The following ZMAT4 variants were observed in gnomAD, a reference collection of about 807,000 sequenced individuals.
The protein encoded by ZMAT4 is zinc finger matrin-type protein 4.
Under a neutral mutation model 28.7 loss-of-function variants are expected in ZMAT4, and 17 were observed. The ratio of observed to expected loss-of-function variants is 0.59; its 90% CI spans 0.41 to 0.89. The LOEUF is 0.89. Among genes scored for constraint, ZMAT4 ranks in the 40% least tolerant of loss-of-function variants. The pLI, the probability that ZMAT4 is intolerant of heterozygous loss-of-function variation, is 0.00. For synonymous variants in ZMAT4, 117 were observed against 109.2 expected, an observed-to-expected ratio of 1.07 and a Z score of -0.44; for missense variants, 240 against 283.8, an observed-to-expected ratio of 0.85 and a Z score of 1.11.
At chr8:40,750,679 G>C (rs894503966) in intron 3 of ZMAT4, among the ~76,000 whole-genome samples, 3 of 152,142 alleles carry the variant, frequency 2.0e-5, no homozygotes, top group African/African-American at 4.8e-5. Context: ...AGATATACTG[G>C]AGAATCAGAC....
At chr8:40,725,795 A>G (rs74386500) in intron 3 of ZMAT4, among the ~76,000 whole-genome samples, 6 of 152,196 alleles carry the variant, frequency 3.9e-5, no homozygotes, top group African/African-American at 1.4e-4. Context: ...AGAAAAAACA[A>G]TCATGATTTC....
chr8:40,745,823 TCCTCTCTTG>T (rs1812194835), intron 3 of ZMAT4, among the ~76,000 whole-genome samples: 1 of 152,152 alleles, frequency 6.6e-6, no homozygotes, highest in East Asian at 1.9e-4. Context: ...ATCACTCAAT[TCCTCTCTTG>T]AGGAAACAAA....
intron 1 of ZMAT4, among the ~76,000 whole-genome samples, chr8:40,867,210 G>A (rs954708298): frequency 1.2e-4 from 18 of 151,872 alleles, no homozygotes; most frequent in African/African-American, 4.1e-4. Flanking sequence ...ATTGTCTTGG[G>A]GCACACAAAA....
chr8:40,548,291 T>TA (rs918933734), intron 6 of ZMAT4, among the ~76,000 whole-genome samples: 19 of 150,488 alleles, frequency 1.3e-4, no homozygotes, highest in Middle Eastern at 3.4e-3. Flanking sequence ...AAAAGAAGAT[T>TA]AAAAAAAAAC....
At chr8:40,871,032 T>C (rs1563257064) in intron 1 of ZMAT4, among the ~76,000 whole-genome samples, 1 of 152,180 alleles carries the variant, frequency 6.6e-6, no homozygotes, top group East Asian at 1.9e-4. Context: ...TCAAGGGAAG[T>C]TGCTTGACGA....
intron 5 of ZMAT4, among the ~76,000 whole-genome samples, chr8:40,608,143 G>A (rs1805665790): frequency 6.6e-6 from 1 of 152,132 alleles, no homozygotes; most frequent in Non-Finnish European, 1.5e-5. Flanking sequence ...GTTCCCAAGA[G>A]ATTATGTCCT....
intron 1 of ZMAT4, among the ~76,000 whole-genome samples, chr8:40,830,386 G>A (rs1231806059): frequency 1.3e-5 from 2 of 151,858 alleles, no homozygotes; most frequent in South Asian, 2.1e-4. Flanking sequence ...TTATGTCTAC[G>A]TGTACCCATT....
rs901287942 is a variant in ZMAT4 at position 40,551,392 on chromosome 8, G to A, written c.675-19154C>T. Among the ~76,000 whole-genome samples, 5 of 150,320 alleles carry A rather than the reference G, an allele frequency of 3.3e-5. No individual in the cohort carries two copies. In the East Asian group the frequency reaches 7.7e-4, roughly 23 times the overall value. On this transcript the variant is annotated intron_variant, in intron 6 of 6. Coordinates refer to ENST00000297737, the MANE Select transcript of ZMAT4 (RefSeq NM_024645.3). ...GTAAGGATCATGAGAAAGATATCAC[G>A]TTGTTCTATTAAACTTTCAATTAAA...
intron 6 of ZMAT4, among the ~76,000 whole-genome samples, chr8:40,577,843 C>A (rs1441983952): frequency 6.6e-6 from 1 of 151,374 alleles, no homozygotes; most frequent in Non-Finnish European, 1.5e-5. Flanking sequence ...CAAATTTATT[C>A]TAGTATCCCA....
At chr8:40,718,357 T>C (rs1563433027) in intron 3 of ZMAT4, among the ~76,000 whole-genome samples, 1 of 152,176 alleles carries the variant, frequency 6.6e-6, no homozygotes, top group Non-Finnish European at 1.5e-5. Flanking sequence ...GAAATCTGCT[T>C]TGGGCCCAAA....
At chr8:40,795,127 C>T (rs1489123658) in intron 2 of ZMAT4, among the ~76,000 whole-genome samples, 1 of 152,156 alleles carries the variant, frequency 6.6e-6, no homozygotes, top group Non-Finnish European at 1.5e-5. Flanking sequence ...TCCCCAGACC[C>T]TAGTCTAATC....
At chr8:40,664,310 C>T (rs757476501) in intron 5 of ZMAT4, among the ~76,000 whole-genome samples, 3 of 152,198 alleles carry the variant, frequency 2.0e-5, no homozygotes, top group Admixed American at 6.5e-5. Context: ...AAAGGCCTCT[C>T]ACCAATAAGC....
chr8:40,700,946 G>A (rs908732932), intron 3 of ZMAT4, among the ~76,000 whole-genome samples: 4 of 152,180 alleles, frequency 2.6e-5, no homozygotes, highest in Non-Finnish European at 5.9e-5. Context: ...CCACACTGGA[G>A]GACCTTCAAG....
chr8:40,559,230 A>T (rs531170428), intron 6 of ZMAT4, among the ~76,000 whole-genome samples: 2 of 152,226 alleles, frequency 1.3e-5, no homozygotes, highest in South Asian at 4.1e-4. Context: ...CTGACTGTGA[A>T]CTGGTTCTGG....
In ZMAT4 at chr8:40,561,651, C is replaced by T. The variant is rs1021659179; in HGVS notation, c.674+19514G>A. ...AGCATTAGAGAGGGTGCTGAACCAG[C>T]TCTCACAAAGGCTCAGTGCAAGCTT... On this transcript the variant is annotated intron_variant, in intron 6 of 6. Transcript: ENST00000297737. Among the ~76,000 whole-genome samples, 86 of 152,286 alleles carry T rather than the reference C, an allele frequency of 5.6e-4. 1 individual carries two copies. Among genetic ancestry groups the T allele is most frequent in the African/African-American group, 2.0e-3 (83 of 41,568 alleles).
At chr8:40,726,343 T>C (rs1442110881) in intron 3 of ZMAT4, among the ~76,000 whole-genome samples, 4 of 152,204 alleles carry the variant, frequency 2.6e-5, no homozygotes, top group Admixed American at 1.3e-4. Context: ...TCTAGACAAA[T>C]AGTTTCAGAG....
intron 5 of ZMAT4, among the ~76,000 whole-genome samples, chr8:40,618,831 G>C (rs1279061737): frequency 6.6e-6 from 1 of 152,158 alleles, no homozygotes; most frequent in Non-Finnish European, 1.5e-5. Flanking sequence ...CTTGGTTTGG[G>C]TTTCCCCAGA....
intron 6 of ZMAT4, among the ~76,000 whole-genome samples, chr8:40,540,990 C>A (rs1803011288): frequency 6.6e-6 from 1 of 152,090 alleles, no homozygotes; most frequent in Non-Finnish European, 1.5e-5. Flanking sequence ...ACTTCAAATT[C>A]CAGTTCTGGC....
At chr8:40,842,726 G>C (rs1247046176) in intron 1 of ZMAT4, among the ~76,000 whole-genome samples, 2 of 152,188 alleles carry the variant, frequency 1.3e-5, no homozygotes, top group African/African-American at 2.4e-5. Flanking sequence ...CTGTGACATG[G>C]CTGGTCCTTG....
Sources: gnomAD v4.1 joint callset for allele counts (sites outside exome capture counted in the v4.1 genomes callset) on GRCh38, gnomAD v4.1.1 for gene constraint, MANE v1.5 for transcripts, NCBI Gene and HGNC (gene_info 2026-07-23, HGNC 2026-07-21) for gene names.